The following SLC25A48 variants were observed in gnomAD, a reference collection of about 807,000 sequenced individuals.
SLC25A48 encodes solute carrier family 25 member 48.
Under a neutral mutation model 32.2 loss-of-function variants are expected in SLC25A48, and 29 were observed. That is an observed-to-expected ratio of 0.90 (90% CI 0.67 to 1.23). The LOEUF is 1.23. SLC25A48 is among the 50% of genes most tolerant of loss of function. SLC25A48 has a pLI of 0.00. For synonymous variants in SLC25A48, 164 were observed against 172.3 expected, an observed-to-expected ratio of 0.95 and a Z score of 0.38; for missense variants, 399 against 422.7, an observed-to-expected ratio of 0.94 and a Z score of 0.49.
chr5:135,788,866 T>C (rs112714003), intron 3 of SLC25A48, among the ~76,000 whole-genome samples: 3,487 of 150,516 alleles, frequency 0.023, 57 homozygotes, highest in Non-Finnish European at 0.032. Context: ...GGAGAGATGG[T>C]GATATTACTC....
chr5:135,655,036 G>A (rs546588431), intron 3 of SLC25A48, among the ~76,000 whole-genome samples: 2 of 152,236 alleles, frequency 1.3e-5, no homozygotes, highest in Non-Finnish European at 2.9e-5. Flanking sequence ...GGGGGACCTA[G>A]CAGGGCCTTT....
intron 3 of SLC25A48, among the ~76,000 whole-genome samples, chr5:135,655,563 C>G (rs1753225523): frequency 6.6e-6 from 1 of 152,186 alleles, no homozygotes; most frequent in South Asian, 2.1e-4. Context: ...AGTTTCCTAT[C>G]CTCTCAGGGC....
chr5:135,659,531 G>C (rs1753338073), intron 3 of SLC25A48, among the ~76,000 whole-genome samples: 1 of 152,134 alleles, frequency 6.6e-6, no homozygotes, highest in East Asian at 1.9e-4. Context: ...TCCAACCTCT[G>C]CTCATTATCC....
chr5:135,705,173 C>A (rs907221989), intron 3 of SLC25A48, among the ~76,000 whole-genome samples: 1 of 152,182 alleles, frequency 6.6e-6, no homozygotes, highest in African/African-American at 2.4e-5. Flanking sequence ...AGTCCTGGAC[C>A]CCTTGATTCA....
chr5:135,742,774 AG>A (rs925718414), intron 3 of SLC25A48, among the ~76,000 whole-genome samples: 1 of 152,112 alleles, frequency 6.6e-6, no homozygotes, highest in Non-Finnish European at 1.5e-5. Flanking sequence ...CACACTTGAA[AG>A]TGCCTCATTT....
At chr5:135,861,188 T>G (rs577184522) in intron 4 of SLC25A48, among the ~76,000 whole-genome samples, 1 of 152,202 alleles carries the variant, frequency 6.6e-6, no homozygotes. Context: ...GACAATTTCA[T>G]GTCCTGTTTT....
At chr5:135,622,126 A>G (rs72787190) in intron 1 of SLC25A48, among the ~76,000 whole-genome samples, 16,466 of 152,262 alleles carry the variant, frequency 0.11, 1,022 homozygotes, top group African/African-American at 0.18. Flanking sequence ...CAATAAAACA[A>G]TATATCATTT....
chr5:135,707,836 C>G (rs944972527), intron 3 of SLC25A48, among the ~76,000 whole-genome samples: 3 of 152,170 alleles, frequency 2.0e-5, no homozygotes, highest in Non-Finnish European at 2.9e-5. Context: ...GGCATGTAGC[C>G]AGGGAGCATG....
rs142876128 is a variant in SLC25A48, at chr5:135,725,286, C to T, written c.-520-87237C>T. On this transcript the variant is annotated intron_variant, in intron 3 of 10. Coordinates refer to the SLC25A48 transcript ENST00000646290. ...AAGCTAGTCAACAAGCAAGATACTT[C>T]CTGAAGACAAGTGATGTGAAGGAGA... 7.9e-5 allele frequency among the ~76,000 whole-genome samples: 12 copies of T among 152,270 alleles called. No individual in the cohort carries two copies. In the East Asian group the frequency reaches 2.3e-3, roughly 29 times the overall value.
chr5:135,866,385 AAAAT>A (rs771021404), intron 4 of SLC25A48, among the ~76,000 whole-genome samples: 2 of 152,220 alleles, frequency 1.3e-5, no homozygotes, highest in Non-Finnish European at 2.9e-5. Flanking sequence ...CTGAGAAAGG[AAAAT>A]AAATGGAACA....
intron 3 of SLC25A48, among the ~76,000 whole-genome samples, chr5:135,718,469 C>T (rs1002342418): frequency 3.3e-5 from 5 of 152,120 alleles, no homozygotes; most frequent in African/African-American, 1.2e-4. Flanking sequence ...CTCTTTGCAC[C>T]TCATCTGTTT....
At chr5:135,688,937 A>G (rs187665486) in intron 3 of SLC25A48, among the ~76,000 whole-genome samples, 1 of 152,266 alleles carries the variant, frequency 6.6e-6, no homozygotes, top group African/African-American at 2.4e-5. Context: ...CTGTGTTTCA[A>G]CTCTTCACAT....
chr5:135,748,722 A>ATTTTTT (rs1160434929), intron 3 of SLC25A48, among the ~76,000 whole-genome samples: 1 of 135,016 alleles, frequency 7.4e-6, no homozygotes, highest in Non-Finnish European at 1.6e-5. Context: ...AGACAGGTAA[A>ATTTTTT]TTTTTTTTTT....
At chr5:135,882,758 A>G (rs1331473141) in intron 7 of SLC25A48, among the ~76,000 whole-genome samples, 1 of 152,154 alleles carries the variant, frequency 6.6e-6, no homozygotes, top group African/African-American at 2.4e-5. Flanking sequence ...GTCCAAGACC[A>G]GCCCCCAGAG....
chr5:135,650,088 A>C, intron 3 of SLC25A48: 1 of 184,034 alleles, frequency 5.4e-6, no homozygotes, highest in Non-Finnish European at 1.2e-5. Context: ...AAATATTCTT[A>C]TATTTCCTGC....
At chr5:135,819,366 C>G (rs1364353835) in intron 4 of SLC25A48, among the ~76,000 whole-genome samples, 2 of 152,122 alleles carry the variant, frequency 1.3e-5, no homozygotes, top group East Asian at 3.8e-4. Flanking sequence ...AAGAATGGCA[C>G]ACTACATACA....
At chr5:135,796,013 G>GGC (rs1467720259) in intron 3 of SLC25A48, among the ~76,000 whole-genome samples, 1 of 138,694 alleles carries the variant, frequency 7.2e-6, no homozygotes, top group Non-Finnish European at 1.6e-5. Context: ...ATCGCGAGGG[G>GGC]GGGGTGGGTG....
chr5:135,771,530 T>C (rs900044204), intron 3 of SLC25A48, among the ~76,000 whole-genome samples: 11 of 151,680 alleles, frequency 7.3e-5, no homozygotes, highest in African/African-American at 2.7e-4. Flanking sequence ...ACGGTGATAT[T>C]ACTCTCATTT....
chr5:135,645,820 T>G (rs887513485), intron 3 of SLC25A48, among the ~76,000 whole-genome samples: 1 of 152,206 alleles, frequency 6.6e-6, no homozygotes, highest in Non-Finnish European at 1.5e-5. Flanking sequence ...TCTCTGCCTG[T>G]GTAGGCTCAT....
Sources: gnomAD v4.1 joint callset for allele counts (sites outside exome capture counted in the v4.1 genomes callset) on GRCh38, gnomAD v4.1.1 for gene constraint, MANE v1.5 for transcripts, NCBI Gene and HGNC (gene_info 2026-07-23, HGNC 2026-07-21) for gene names.